The following MTMR2 variants were observed in gnomAD, a reference collection of about 807,000 sequenced individuals.
MTMR2 encodes the protein myotubularin related protein 2.
A neutral mutation model predicts 86.9 loss-of-function variants in MTMR2; 55 were observed. The ratio of observed to expected loss-of-function variants is 0.63; its 90% CI spans 0.51 to 0.79. The LOEUF (loss-of-function observed/expected upper bound fraction) is 0.79, where lower values mean the gene tolerates loss of function less well. Among genes scored for constraint, MTMR2 ranks in the 30% least tolerant of loss-of-function variants. The probability of loss-of-function intolerance (pLI) is 0.00; values close to 1 mark genes in which losing one functional copy is unlikely to be tolerated. For missense variants in MTMR2, 659 were observed against 772.3 expected, an observed-to-expected ratio of 0.85 and a Z score of 1.74; for synonymous variants, 241 against 266.8, an observed-to-expected ratio of 0.90 and a Z score of 0.94.
Position 95,833,924 on chromosome 11 carries a change from G to GA in MTMR2, c.*1365dup. ...CTAAGGTTCAGACTCTCTGTATAGTGAATTAGTGAGTGGAAAAACACTGTA... is the reference window on the plus strand; with the variant it reads ...CTAAGGTTCAGACTCTCTGTATAGTGAAATTAGTGAGTGGAAAAACACTGTA... On this transcript the variant is annotated 3_prime_UTR_variant, in exon 15 of 15. Coordinates refer to ENST00000346299, the MANE Select transcript of MTMR2 (RefSeq NM_016156.6). 1 of 151,824 alleles carries GA rather than the reference G, an allele frequency of 6.6e-6. No homozygotes were observed. The highest frequency in any genetic ancestry group is 1.5e-5 in the Non-Finnish European group (1 of 67,864). 9.4% of individuals were successfully genotyped at this position (151,824 alleles called of 1,614,324 possible). A position where few individuals can be genotyped will look rare whatever the true frequency, so the allele number is the denominator to read the frequency against.
In MTMR2 at chr11:95,868,123, T is replaced by C. The variant is rs190869496; in HGVS notation, c.187-2447A>G. Among the ~76,000 whole-genome samples, 362 of 150,612 alleles carry C rather than the reference T, an allele frequency of 2.4e-3. 5 individuals carry two copies. Among genetic ancestry groups the C allele is most frequent in the African/African-American group, 8.4e-3 (347 of 41,078 alleles). ...TCTACTATAAATGCAAAAAATCAGC[T>C]GGGCAGGCATGGCATCACGGGTCTA... On this transcript the variant is annotated intron_variant, in intron 2 of 14. Transcript: ENST00000346299.
At chr11:95,858,474 C>A (rs1360619861) in intron 6 of MTMR2, 57 bp downstream of exon 6, 18 of 1,181,310 alleles carry the variant, frequency 1.5e-5, no homozygotes, top group Non-Finnish European at 2.1e-5. Context: ...AGACAAGTTT[C>A]TTTATACGAC....
chr11:95,848,351 A>T (rs190644840), intron 9 of MTMR2, among the ~76,000 whole-genome samples: 1 of 152,106 alleles, frequency 6.6e-6, no homozygotes, highest in African/African-American at 2.4e-5. Context: ...TTTAATCTTC[A>T]TATCTGAGAA....
At position 95,875,624 on chromosome 11, in the gene MTMR2, G is replaced by A. The variant is rs574205670; in HGVS notation, c.187-9948C>T. ...TCAAAGTCATTCTCTGTCCAGCTTC[G>A]TTCCGTTGTTGGTGAGGAGCTGCGT... On this transcript the variant is annotated intron_variant, in intron 2 of 14. Transcript: ENST00000346299. Among the ~76,000 whole-genome samples, 12 of 152,230 alleles carry A rather than the reference G, an allele frequency of 7.9e-5. No homozygotes were observed. The South Asian group carries it at 1.7e-3, about 21-fold the overall frequency.
chr11:95,872,159 A>C (rs1211892860), intron 2 of MTMR2, among the ~76,000 whole-genome samples: 3 of 152,196 alleles, frequency 2.0e-5, no homozygotes, highest in Non-Finnish European at 4.4e-5. Context: ...TCTGTGAAGA[A>C]AGTCATTGGC....
At chr11:95,920,371 G>A (rs1201962292) in intron 1 of MTMR2, among the ~76,000 whole-genome samples, 6 of 152,156 alleles carry the variant, frequency 3.9e-5, no homozygotes, top group South Asian at 2.1e-4. Flanking sequence ...GCAGTGGTGC[G>A]TTCTTGGCTC....
intron 1 of MTMR2, among the ~76,000 whole-genome samples, chr11:95,906,351 A>G (rs1866276150): frequency 6.6e-6 from 1 of 152,192 alleles, no homozygotes; most frequent in Non-Finnish European, 1.5e-5. Flanking sequence ...AGACTCAACT[A>G]TCCTAAATAT....
At chr11:95,923,749 C>G (rs1232853699) in intron 1 of MTMR2, 126 bp downstream of exon 1, 2 of 1,479,378 alleles carry the variant, frequency 1.4e-6, no homozygotes, top group Non-Finnish European at 1.8e-6. Flanking sequence ...TCCCAAGTCC[C>G]GGGGAAGGAA....
At chr11:95,874,768 G>A (rs749053046) in intron 2 of MTMR2, among the ~76,000 whole-genome samples, 15 of 152,110 alleles carry the variant, frequency 9.9e-5, no homozygotes, top group Admixed American at 2.6e-4. Context: ...TTTCCTTCAG[G>A]AGCGCTTGTA....
At chr11:95,841,742 G>A in intron 11 of MTMR2, 33 bp from the exon 12 acceptor site, 2 of 1,460,402 alleles carry the variant, frequency 1.4e-6, no homozygotes, top group Non-Finnish European at 1.9e-6. Context: ...TATGAACTTA[G>A]GGGGATTTTT....
At chr11:95,915,239 T>A (rs2135627299) in intron 1 of MTMR2, among the ~76,000 whole-genome samples, 1 of 152,274 alleles carries the variant, frequency 6.6e-6, no homozygotes, top group African/African-American at 2.4e-5. Flanking sequence ...CAGCCCATCA[T>A]CAGCCAGTTA....
intron 2 of MTMR2, among the ~76,000 whole-genome samples, chr11:95,880,359 C>T (rs1200073433): frequency 6.6e-6 from 1 of 151,938 alleles, no homozygotes; most frequent in African/African-American, 2.4e-5. Flanking sequence ...ATAGAATATA[C>T]CACAATTTAT....
intron 1 of MTMR2, among the ~76,000 whole-genome samples, chr11:95,909,023 A>G (rs1343754704): frequency 1.3e-5 from 2 of 152,160 alleles, no homozygotes; most frequent in Admixed American, 6.6e-5. Context: ...TCTTTCCACC[A>G]TAAGATCAAA....
Position 95,845,176 on chromosome 11 carries a change from T to A in MTMR2, c.1180-17A>T, listed in dbSNP as rs754483186. 4 of 1,584,528 alleles carry A rather than the reference T, an allele frequency of 2.5e-6. No individual in the cohort carries two copies. In the East Asian group the frequency reaches 6.7e-5, roughly 27 times the overall value. ...AAGAATAAGCTGGAAAACAGATTTT[T>A]TAATACATTGTTTTTAAACAAGGTA... On this transcript the variant is annotated splice_polypyrimidine_tract_variant and intron_variant, in intron 10 of 14. Coordinates refer to ENST00000346299, the MANE Select transcript of MTMR2 (RefSeq NM_016156.6).
intron 6 of MTMR2, 100 bp from the exon 7 acceptor site, chr11:95,857,735 G>T: frequency 1.3e-6 from 1 of 755,404 alleles, no homozygotes; most frequent in Non-Finnish European, 2.3e-6. Flanking sequence ...TTATTTATCT[G>T]CAAGAACATT....
At position 95,888,335 on chromosome 11, in the gene MTMR2, A is replaced by G. The variant is rs988726656; in HGVS notation, c.81-74T>C. ...ACCAATTTCAGACATTGTATTTAAT[A>G]TAACTCCAATATTTATTAAAATTTC... On this transcript the variant is annotated intron_variant, in intron 1 of 14. Transcript: ENST00000346299. 1.6e-5 allele frequency: 15 copies of G among 941,058 alleles called. No individual in the cohort carries two copies. The African/African-American group carries it at 1.6e-4, about 10-fold the overall frequency. 58.3% of individuals were successfully genotyped at this position (941,058 alleles called of 1,614,324 possible). A position where few individuals can be genotyped will look rare whatever the true frequency, so the allele number is the denominator to read the frequency against.
intron 1 of MTMR2, among the ~76,000 whole-genome samples, chr11:95,922,649 A>T (rs1344680125): frequency 6.6e-6 from 1 of 152,154 alleles, no homozygotes; most frequent in Non-Finnish European, 1.5e-5. Flanking sequence ...ATTGCCCTCA[A>T]GTATAATAGC....
intron 8 of MTMR2, 74 bp downstream of exon 8, chr11:95,850,526 C>T: frequency 7.0e-7 from 1 of 1,421,238 alleles, no homozygotes; most frequent in East Asian, 2.3e-5. Context: ...TGAATCCATT[C>T]TCCTACTCAT....
At chr11:95,908,022 T>G (rs1431787258) in intron 1 of MTMR2, 2 of 205,818 alleles carry the variant, frequency 9.7e-6, no homozygotes, top group Non-Finnish European at 2.0e-5. Flanking sequence ...GAGAAAGAAA[T>G]AAAAGCATCC....
Sources: allele counts gnomAD v4.1 joint callset (sites outside exome capture counted in the v4.1 genomes callset), GRCh38; gene constraint gnomAD v4.1.1; transcripts MANE v1.5; gene names NCBI Gene and HGNC (gene_info 2026-07-23, HGNC 2026-07-21).